Variants in ZMYND8 observed in about 807,000 individuals in gnomAD.
ZMYND8 encodes zinc finger MYND-type containing 8, also known as MYND-type zinc finger-containing chromatin reader ZMYND8.
A neutral mutation model predicts 140.8 loss-of-function variants in ZMYND8; 37 were observed. The ratio of observed to expected loss-of-function variants is 0.26; its 90% CI spans 0.20 to 0.35. ZMYND8 has a LOEUF of 0.35. Among genes scored for constraint, ZMYND8 ranks in the 10% least tolerant of loss-of-function variants. The probability of loss-of-function intolerance (pLI) is 1.00; values close to 1 mark genes in which losing one functional copy is unlikely to be tolerated. For missense variants in ZMYND8, 1,068 were observed against 1,570.0 expected, an observed-to-expected ratio of 0.68 and a Z score of 5.40; for synonymous variants, 592 against 597.1, an observed-to-expected ratio of 0.99 and a Z score of 0.12.
chr20:47,324,966 G>C (rs1325691672), intron 2 of ZMYND8, among the ~76,000 whole-genome samples: 2 of 152,120 alleles, frequency 1.3e-5, no homozygotes, highest in African/African-American at 4.8e-5. Context: ...GTACAATGGT[G>C]TGACCTTGGC....
intron 1 of ZMYND8, among the ~76,000 whole-genome samples, chr20:47,354,953 G>T (rs1005260332): frequency 2.6e-5 from 4 of 152,110 alleles, no homozygotes; most frequent in African/African-American, 9.7e-5. Flanking sequence ...AGTGAGTCCT[G>T]AATCAAACCC....
intron 15 of ZMYND8, chr20:47,238,492 T>C (rs1213875456): frequency 7.1e-6 from 4 of 560,918 alleles, no homozygotes; most frequent in Non-Finnish European, 1.2e-5. Flanking sequence ...CAGACTTTTA[T>C]GTAAAACTTT....
chr20:47,334,953 T>C (rs1404457086), intron 2 of ZMYND8, among the ~76,000 whole-genome samples: 2 of 151,352 alleles, frequency 1.3e-5, no homozygotes, highest in Non-Finnish European at 2.9e-5. Flanking sequence ...TCACTTTAAA[T>C]GGAGAACTGG....
At chr20:47,283,381 T>C (rs1279458186) in intron 9 of ZMYND8, among the ~76,000 whole-genome samples, 190 bp downstream of exon 9, 5 of 152,150 alleles carry the variant, frequency 3.3e-5, no homozygotes, top group African/African-American at 1.2e-4. Context: ...CTCTGGCACA[T>C]GAACTTTCAG....
At chr20:47,311,453 A>G (rs1412340861) in intron 2 of ZMYND8, among the ~76,000 whole-genome samples, 1 of 152,150 alleles carries the variant, frequency 6.6e-6, no homozygotes, top group Non-Finnish European at 1.5e-5. Context: ...AACGAGATCA[A>G]GACCAGCTGG....
chr20:47,283,179 T>C (rs2076715415), intron 9 of ZMYND8, among the ~76,000 whole-genome samples: 1 of 152,184 alleles, frequency 6.6e-6, no homozygotes, highest in Non-Finnish European at 1.5e-5. Context: ...TTGGAGGGAC[T>C]ATGGAGTTAA....
At chr20:47,342,400 A>T (rs1453786568) in intron 2 of ZMYND8, among the ~76,000 whole-genome samples, 1 of 149,782 alleles carries the variant, frequency 6.7e-6, no homozygotes, top group Non-Finnish European at 1.5e-5. Flanking sequence ...CAAAAAAATT[A>T]GCCAGGCGTG....
chr20:47,289,079 G>A (rs4809632), intron 7 of ZMYND8, among the ~76,000 whole-genome samples: 22,885 of 152,074 alleles, frequency 0.15, 1,772 homozygotes, highest in East Asian at 0.2. Context: ...TCCAGCCTGT[G>A]CGATTCAGTG....
chr20:47,238,555 A>G, intron 15 of ZMYND8: 1 of 960,132 alleles, frequency 1.0e-6, no homozygotes, highest in Non-Finnish European at 1.5e-6. Flanking sequence ...AAATGAACAA[A>G]AAAAACTTTT....
chr20:47,255,729 T>C (rs2074600705), intron 12 of ZMYND8, among the ~76,000 whole-genome samples: 1 of 20,284 alleles, frequency 4.9e-5, no homozygotes, highest in Non-Finnish European at 9.4e-5. Flanking sequence ...TGTGTATATA[T>C]ATATATATAT....
intron 17 of ZMYND8, among the ~76,000 whole-genome samples, chr20:47,229,045 G>C (rs2038110518): frequency 2.0e-5 from 3 of 151,374 alleles, no homozygotes; most frequent in African/African-American, 7.3e-5. Context: ...TCCCAGGCTA[G>C]AGTACAGTGG....
chr20:47,265,743 T>A (rs1163481997), intron 11 of ZMYND8, among the ~76,000 whole-genome samples: 1 of 152,192 alleles, frequency 6.6e-6, no homozygotes, highest in East Asian at 1.9e-4. Flanking sequence ...ACGCCCAGCC[T>A]ATTTTTATAA....
chr20:47,283,732 G>T, intron 8 of ZMYND8, 84 bp from the exon 9 acceptor site: 1 of 1,400,402 alleles, frequency 7.1e-7, no homozygotes, highest in Non-Finnish European at 1.0e-6. Flanking sequence ...GATTTTGAAG[G>T]TTAAGATGTT....
intron 5 of ZMYND8, among the ~76,000 whole-genome samples, chr20:47,292,208 C>T (rs957254240): frequency 1.3e-5 from 2 of 152,194 alleles, no homozygotes; most frequent in African/African-American, 2.4e-5. Flanking sequence ...TTAACAAAAT[C>T]AGCACTTTCT....
chr20:47,334,481 T>C (rs2081223906), intron 2 of ZMYND8, among the ~76,000 whole-genome samples: 1 of 151,948 alleles, frequency 6.6e-6, no homozygotes, highest in Non-Finnish European at 1.5e-5. Flanking sequence ...GACTGGTACT[T>C]GCCAGGCACA....
In ZMYND8 at chr20:47,281,947, C is replaced by G. The variant is rs41373144; in HGVS notation, c.998+155G>C. 1.5e-3 allele frequency among the ~76,000 whole-genome samples: 229 copies of G among 152,292 alleles called. 3 individuals carry two copies. The East Asian group carries it at 0.041, about 27-fold the overall frequency. On this transcript the variant is annotated intron_variant, in intron 10 of 22. Transcript: ENST00000471951. ...TAGCCCACGCCATTACCAAGCTTAACATACCACAGGAAATTTATTTCAACA... is the reference window on the plus strand; with the variant it reads ...TAGCCCACGCCATTACCAAGCTTAAGATACCACAGGAAATTTATTTCAACA...
chr20:47,232,043 A>T (rs564624500), intron 16 of ZMYND8, among the ~76,000 whole-genome samples: 5 of 152,148 alleles, frequency 3.3e-5, no homozygotes, highest in African/African-American at 1.2e-4. Context: ...CACTGTGTTC[A>T]TTTTTTTTAA....
At chr20:47,290,317 C>T in intron 6 of ZMYND8, 43 bp from the exon 7 acceptor site, 3 of 1,565,376 alleles carry the variant, frequency 1.9e-6, no homozygotes, top group Non-Finnish European at 2.6e-6. Context: ...TGAGTCTAGA[C>T]AAGCCACAGT....
chr20:47,214,148 A>G (rs2035709285), intron 21 of ZMYND8, among the ~76,000 whole-genome samples: 1 of 152,232 alleles, frequency 6.6e-6, no homozygotes, highest in African/African-American at 2.4e-5. Flanking sequence ...CCTTCTAGAT[A>G]TGTCACGTGC....
Sources: allele counts gnomAD v4.1 joint callset (sites outside exome capture counted in the v4.1 genomes callset), GRCh38; gene constraint gnomAD v4.1.1; transcripts MANE v1.5; gene names NCBI Gene and HGNC (gene_info 2026-07-23, HGNC 2026-07-21).